ESR1: variants seen among roughly 807,000 people sequenced by gnomAD.
ESR1 encodes the protein estrogen receptor 1, also known as estrogen receptor.
A neutral mutation model predicts 52.7 loss-of-function variants in ESR1; 12 were observed. The observed-to-expected ratio is 0.23, with a 90% CI of 0.15 to 0.37. The LOEUF is 0.37. Among genes scored for constraint, ESR1 ranks in the 10% least tolerant of loss-of-function variants. ESR1 has a pLI of 1.00. For missense variants in ESR1, 584 were observed against 779.7 expected (o/e 0.75, Z 2.99); for synonymous variants, 305 against 316.8 (o/e 0.96, Z 0.39).
chr6:152,124,194 C>T (rs1174337491), intron 6 of ESR1, among the ~76,000 whole-genome samples: 15 of 152,060 alleles, frequency 9.9e-5, no homozygotes, highest in Non-Finnish European at 2.1e-4. Context: ...TAGTCCCAGT[C>T]ACTTGGGAGG....
chr6:151,694,587 T>C (rs1469275974), intron 1 of ESR1, among the ~76,000 whole-genome samples: 2 of 152,042 alleles, frequency 1.3e-5, no homozygotes, highest in African/African-American at 4.8e-5. Context: ...CAAGAGTTCG[T>C]GACCAGCCTG....
chr6:151,886,354 T>C (rs1038087157), intron 3 of ESR1, among the ~76,000 whole-genome samples: 1 of 152,176 alleles, frequency 6.6e-6, no homozygotes, highest in African/African-American at 2.4e-5. Context: ...GCAGGACTCT[T>C]GGACTGACTA....
chr6:152,035,965 A>G (rs572708641), intron 5 of ESR1, among the ~76,000 whole-genome samples: 44 of 152,376 alleles, frequency 2.9e-4, no homozygotes, highest in Admixed American at 2.4e-3. Flanking sequence ...AGGAAAACAT[A>G]GAAAAATACC....
At chr6:151,903,780 T>C (rs1797041630) in intron 3 of ESR1, among the ~76,000 whole-genome samples, 1 of 152,188 alleles carries the variant, frequency 6.6e-6, no homozygotes, top group Admixed American at 6.5e-5. Context: ...TATCTTTGTT[T>C]ATTGATCGCT....
rs754064377 is a variant in ESR1, at chr6:151,842,588, TC to T, written c.453-3del. The T allele has an allele frequency of 3.8e-5, 62 of 1,611,856 alleles. No individual in the cohort carries two copies. The South Asian group carries it at 5.1e-4, about 13-fold the overall frequency. ...AATGTTAATGGATTTACTGTTTTTTTCCCCCCAGGCCAAATTCAGATAATCG... is the reference window on the plus strand; with the variant it reads ...AATGTTAATGGATTTACTGTTTTTTTCCCCCAGGCCAAATTCAGATAATCG... On this transcript the variant is annotated splice_region_variant and splice_polypyrimidine_tract_variant and intron_variant, in intron 1 of 7. Coordinates refer to ENST00000206249, the MANE Select transcript of ESR1 (RefSeq NM_000125.4).
intron 2 of ESR1, among the ~76,000 whole-genome samples, chr6:151,784,799 C>T (rs959362162): frequency 6.6e-6 from 1 of 152,168 alleles, no homozygotes; most frequent in Non-Finnish European, 1.5e-5. Flanking sequence ...CTCCCCCCAC[C>T]CCAACTTGTG....
chr6:151,808,179 C>A lies in ESR1; in HGVS notation c.267C>A (p.Phe89Leu), dbSNP rs1264008123. 1 of 1,580,260 alleles carries A rather than the reference C, an allele frequency of 6.3e-7. No individual in the cohort carries two copies. The highest frequency in any genetic ancestry group is 1.8e-5 in the Admixed American group (1 of 55,386). Residue 89 changes from phenylalanine to leucine, a missense_variant, in exon 1 of 8, where the codon TTC becomes TTA. Around this residue, in one of 6 missense-constraint regions of ESR1, gnomAD observed 251 missense variants for 246.1 expected, o/e 1.02. Transcript: ENST00000206249. ...PYGPGSEAAA[F>L]GSNGLGGFPP... The stretch of plus-strand genomic sequence containing the variant: ...GCCCCGGGTCTGAGGCTGCGGCGTT[C>A]GGCTCCAACGGCCTGGGGGGTTTCC...
intron 4 of ESR1, among the ~76,000 whole-genome samples, chr6:151,967,127 G>A (rs546284929): frequency 2.6e-5 from 4 of 152,194 alleles, no homozygotes; most frequent in African/African-American, 9.6e-5. Flanking sequence ...GCAATAAGCT[G>A]TTGCAATCTC....
At chr6:151,748,697 C>T (rs1156247791) in intron 2 of ESR1, among the ~76,000 whole-genome samples, 1 of 152,118 alleles carries the variant, frequency 6.6e-6, no homozygotes, top group African/African-American at 2.4e-5. Flanking sequence ...CCTTTCCCAT[C>T]TTGGCCAATG....
upstream of ESR1, chr6:151,807,608 C>G (rs1190923572): frequency 1.9e-6 from 1 of 525,900 alleles, no homozygotes; most frequent in East Asian, 3.3e-5. Flanking sequence ...AGTCCCTGGC[C>G]GTCCTCCAGC....
At chr6:152,056,035 G>A (rs763682566) in intron 5 of ESR1, among the ~76,000 whole-genome samples, 1 of 152,170 alleles carries the variant, frequency 6.6e-6, no homozygotes, top group African/African-American at 2.4e-5. Context: ...AGATCACAAA[G>A]TTAGTAAATG....
chr6:152,084,317 A>C (rs574129488), intron 6 of ESR1, among the ~76,000 whole-genome samples: 1 of 152,250 alleles, frequency 6.6e-6, no homozygotes, highest in Admixed American at 6.5e-5. Flanking sequence ...GAAATACCTA[A>C]TGTAAATGAT....
At chr6:151,923,416 T>G (rs958581774) in intron 3 of ESR1, among the ~76,000 whole-genome samples, 1 of 152,196 alleles carries the variant, frequency 6.6e-6, no homozygotes, top group Non-Finnish European at 1.5e-5. Flanking sequence ...TGGAATAGAA[T>G]AGTTTCTATC....
intron 4 of ESR1, among the ~76,000 whole-genome samples, chr6:151,973,625 C>T (rs1354906718): frequency 1.3e-5 from 2 of 152,154 alleles, no homozygotes; most frequent in African/African-American, 4.8e-5. Context: ...CCTTTTCTGT[C>T]CTGATGTGTT....
Position 152,094,694 on chromosome 6 carries a change from T to C in ESR1, c.1553+126T>C, listed in dbSNP as rs998121327. On this transcript the variant is annotated intron_variant, in intron 7 of 7. Transcript: ENST00000206249. The surrounding 1 kb of genome is among the most constrained non-coding windows in gnomAD (Gnocchi z 4.6). ...AGTGCACTTGTGACAGTTCCTGGCA[T>C]AGAATAAGCATAAATGCTATAGGAG... 1.2e-6 allele frequency: 1 copy of C among 859,056 alleles called. No individual in the cohort carries two copies. The highest frequency in any genetic ancestry group is 2.0e-5 in the Admixed American group (1 of 49,618). The allele number at this position is 859,056 out of a possible 1,614,324, so 53.2% of individuals were successfully genotyped here.
chr6:152,084,100 G>T (rs1203357909), intron 6 of ESR1, among the ~76,000 whole-genome samples: 4 of 152,108 alleles, frequency 2.6e-5, no homozygotes, highest in Non-Finnish European at 5.9e-5. Flanking sequence ...CCATAAAAAA[G>T]GATGAGTTCC....
rs574720480 is a variant in ESR1 at position 151,932,892 on chromosome 6, C to A, written c.761-11281C>A. Among the ~76,000 whole-genome samples the A allele has an allele frequency of 8.2e-4, 121 of 148,074 alleles. 1 individual carries two copies. The highest frequency in any genetic ancestry group is 2.8e-3 in the African/African-American group (114 of 40,650). On this transcript the variant is annotated intron_variant, in intron 3 of 7. Coordinates refer to ENST00000206249, the MANE Select transcript of ESR1 (RefSeq NM_000125.4). ...TAGTTTGAAGTCAGGTAGTGTGATG[C>A]CTCCAGCTTTGTTCTTTTGGCTTAG...
At chr6:151,718,704 C>A (rs531289094) in intron 2 of ESR1, among the ~76,000 whole-genome samples, 1 of 152,234 alleles carries the variant, frequency 6.6e-6, no homozygotes, top group South Asian at 2.1e-4. Context: ...TTTTATTAGG[C>A]CTTAAAAATA....
chr6:152,106,356 T>C (rs2051067161), downstream of ESR1, among the ~76,000 whole-genome samples: 1 of 152,222 alleles, frequency 6.6e-6, no homozygotes, highest in South Asian at 2.1e-4. Flanking sequence ...CCAGTGTGCC[T>C]CATTTCTTCC....
Sources: allele counts gnomAD v4.1 joint callset (sites outside exome capture counted in the v4.1 genomes callset), GRCh38; gene constraint gnomAD v4.1.1; regional missense constraint gnomAD v4.1.1; non-coding constraint Gnocchi (gnomAD v3.1); transcripts MANE v1.5; gene names NCBI Gene and HGNC (gene_info 2026-07-23, HGNC 2026-07-21).